Variants in ATRNL1 observed in about 807,000 individuals in gnomAD.
The protein encoded by ATRNL1 is attractin like 1.
A neutral mutation model predicts 182.7 loss-of-function variants in ATRNL1; 95 were observed. The ratio of observed to expected loss-of-function variants is 0.52; its 90% CI spans 0.44 to 0.62. ATRNL1 has a LOEUF of 0.62. Among genes scored for constraint, ATRNL1 ranks in the 20% least tolerant of loss-of-function variants. The probability of loss-of-function intolerance (pLI) is 0.00; values close to 1 mark genes in which losing one functional copy is unlikely to be tolerated. For synonymous variants in ATRNL1, 576 were observed against 568.3 expected (o/e 1.01, Z -0.19); for missense variants, 1,471 against 1,679.5 (o/e 0.88, Z 2.17).
At chr10:115,138,234 C>G (rs1845605024) in intron 5 of ATRNL1, among the ~76,000 whole-genome samples, 1 of 152,224 alleles carries the variant, frequency 6.6e-6, no homozygotes, top group Non-Finnish European at 1.5e-5. Flanking sequence ...GTGTCTGTGG[C>G]TTTTCCAGGC....
At chr10:115,786,234 C>G (rs1555080406) in intron 27 of ATRNL1, among the ~76,000 whole-genome samples, 1 of 152,108 alleles carries the variant, frequency 6.6e-6, no homozygotes, top group Non-Finnish European at 1.5e-5. Context: ...AAGCCATTTG[C>G]AGACTTTTTT....
intron 27 of ATRNL1, among the ~76,000 whole-genome samples, chr10:115,766,764 C>T (rs77713417): frequency 6.6e-6 from 1 of 152,094 alleles, no homozygotes; most frequent in Non-Finnish European, 1.5e-5. Flanking sequence ...TTTTATAAAT[C>T]CTTTCTTATC....
intron 17 of ATRNL1, among the ~76,000 whole-genome samples, chr10:115,310,707 T>C (rs1287782418): frequency 6.6e-6 from 1 of 152,228 alleles, no homozygotes; most frequent in Non-Finnish European, 1.5e-5. Flanking sequence ...ATTAAACTTA[T>C]TTGAATCCTC....
intron 9 of ATRNL1, among the ~76,000 whole-genome samples, chr10:115,216,494 A>T (rs1554896271): frequency 6.6e-6 from 1 of 152,114 alleles, no homozygotes; most frequent in African/African-American, 2.4e-5. Context: ...CCTGATTAGT[A>T]TTGTAAACAT....
At chr10:115,570,087 G>A (rs1031926774) in intron 26 of ATRNL1, among the ~76,000 whole-genome samples, 2 of 152,126 alleles carry the variant, frequency 1.3e-5, no homozygotes, top group African/African-American at 2.4e-5. Context: ...TCAGCCTCCT[G>A]AGTAGCTGGG....
intron 9 of ATRNL1, among the ~76,000 whole-genome samples, chr10:115,239,750 G>C (rs7908005): frequency 3.3e-5 from 5 of 152,114 alleles, no homozygotes; most frequent in South Asian, 4.1e-4. Context: ...TGGGATGAAG[G>C]CTATTGGGTC....
intron 15 of ATRNL1, among the ~76,000 whole-genome samples, chr10:115,294,309 G>A (rs1470440727): frequency 1.3e-5 from 2 of 152,148 alleles, no homozygotes; most frequent in African/African-American, 4.8e-5. Flanking sequence ...AACATAGCAA[G>A]ATCCCATCTC....
rs1481520949 is a variant in ATRNL1, at chr10:115,651,222, C to T, written c.3796-76026C>T. On this transcript the variant is annotated intron_variant, in intron 26 of 28. Coordinates refer to ENST00000355044, the MANE Select transcript of ATRNL1 (RefSeq NM_207303.4). ...CAGTCTTTTTATTCATGCTACTAGACGTGGAGTGAGAGAAGAGAACAAGGG... is the reference window on the plus strand; with the variant it reads ...CAGTCTTTTTATTCATGCTACTAGATGTGGAGTGAGAGAAGAGAACAAGGG... Among the ~76,000 whole-genome samples the T allele has an allele frequency of 5.3e-5, 8 of 152,034 alleles. No homozygotes were observed. The East Asian group carries it at 5.8e-4, about 11-fold the overall frequency.
rs1554882854 is a variant in ATRNL1 at position 115,160,027 on chromosome 10, T to G, written c.830-13T>G. 1.3e-6 allele frequency: 2 copies of G among 1,557,526 alleles called. No homozygotes were observed. The highest frequency in any genetic ancestry group is 1.7e-6 in the Non-Finnish European group (2 of 1,150,950). ...GTTTAATCTAGTGTGTTGTTTCATT[T>G]TTTTTTTAATAGGTCCTGATTGTTC... On this transcript the variant is annotated splice_polypyrimidine_tract_variant and intron_variant, in intron 5 of 28. Transcript: ENST00000355044.
intron 8 of ATRNL1, among the ~76,000 whole-genome samples, chr10:115,199,346 C>T (rs1554891769): frequency 6.6e-6 from 1 of 151,978 alleles, no homozygotes; most frequent in African/African-American, 2.4e-5. Flanking sequence ...ATGGGCGGAT[C>T]ACAAGGTCAA....
intron 24 of ATRNL1, among the ~76,000 whole-genome samples, chr10:115,490,291 G>A (rs781859524): frequency 6.6e-6 from 1 of 152,212 alleles, no homozygotes; most frequent in Non-Finnish European, 1.5e-5. Flanking sequence ...GGTCGGGGCA[G>A]TTCTCCTGGA....
intron 8 of ATRNL1, among the ~76,000 whole-genome samples, chr10:115,201,384 A>C (rs1293512154): frequency 6.6e-6 from 1 of 152,084 alleles, no homozygotes; most frequent in African/African-American, 2.4e-5. Context: ...TAAGTGTTTA[A>C]TCCATCTTGA....
At chr10:115,647,096 C>T (rs1362409796) in intron 26 of ATRNL1, among the ~76,000 whole-genome samples, 2 of 152,000 alleles carry the variant, frequency 1.3e-5, no homozygotes, top group East Asian at 3.9e-4. Flanking sequence ...ATGATGATTT[C>T]AGCTTCATCC....
Position 115,922,988 on chromosome 10 carries a change from G to A in ATRNL1, c.4019-21670G>A, listed in dbSNP as rs144929089. ...GATATCAGTGTTACTTTAGCCCACC[G>A]TAAAGGAATATGAATAATTTCCATG... On this transcript the variant is annotated intron_variant, in intron 28 of 28. Coordinates refer to ENST00000355044, the MANE Select transcript of ATRNL1 (RefSeq NM_207303.4). Among the ~76,000 whole-genome samples, 388 of 152,228 alleles carry A rather than the reference G, an allele frequency of 2.5e-3. 3 individuals carry two copies. The highest frequency in any genetic ancestry group is 8.4e-3 in the African/African-American group (351 of 41,564).
At chr10:115,386,177 A>G (rs782760524) in intron 19 of ATRNL1, among the ~76,000 whole-genome samples, 3 of 152,196 alleles carry the variant, frequency 2.0e-5, no homozygotes, top group Admixed American at 6.5e-5. Flanking sequence ...GTAATTTTCT[A>G]ATTCATGTGC....
chr10:115,525,816 A>G (rs1233582999), intron 25 of ATRNL1, among the ~76,000 whole-genome samples: 2 of 152,136 alleles, frequency 1.3e-5, no homozygotes, highest in Admixed American at 1.3e-4. Context: ...AAAACCAATG[A>G]GTTTTTATTT....
chr10:115,201,560 T>C (rs550507323), intron 8 of ATRNL1, among the ~76,000 whole-genome samples: 12 of 152,312 alleles, frequency 7.9e-5, no homozygotes, highest in Admixed American at 2.0e-4. Context: ...GCGTTATTTC[T>C]GAGGGTTCTG....
intron 25 of ATRNL1, among the ~76,000 whole-genome samples, chr10:115,521,935 C>G (rs1310716131): frequency 2.0e-5 from 3 of 152,142 alleles, no homozygotes; most frequent in African/African-American, 7.2e-5. Flanking sequence ...CTCAATCAGG[C>G]CATTTTTACT....
intron 13 of ATRNL1, among the ~76,000 whole-genome samples, chr10:115,273,646 A>T (rs1851972055): frequency 6.6e-6 from 1 of 152,244 alleles, no homozygotes; most frequent in African/African-American, 2.4e-5. Context: ...GGGATAGCAG[A>T]ACTTCAGCAG....
Sources: allele counts gnomAD v4.1 joint callset (sites outside exome capture counted in the v4.1 genomes callset), GRCh38; gene constraint gnomAD v4.1.1; transcripts MANE v1.5; gene names NCBI Gene and HGNC (gene_info 2026-07-23, HGNC 2026-07-21).